Variants in MIS18BP1 observed in about 807,000 individuals in gnomAD.
MIS18BP1 encodes mis18-binding protein 1.
In MIS18BP1, 72 loss-of-function variants were observed where a neutral mutation model predicts 116.1. The observed-to-expected ratio is 0.62, with a 90% CI of 0.51 to 0.75. The LOEUF (loss-of-function observed/expected upper bound fraction) is 0.75. Ranked by LOEUF, MIS18BP1 falls within the 30% of genes least tolerant of loss-of-function variation. MIS18BP1 has a pLI of 0.00. For synonymous variants in MIS18BP1, 386 were observed against 427.0 expected, an observed-to-expected ratio of 0.90 and a Z score of 1.18; for missense variants, 1,363 against 1,303.2, an observed-to-expected ratio of 1.05 and a Z score of -0.71.
At chr14:45,204,489 C>T (rs2139131556) in intron 15 of MIS18BP1, 36 bp from the exon 16 acceptor site, 1 of 1,504,092 alleles carries the variant, frequency 6.6e-7, no homozygotes, top group Non-Finnish European at 9.0e-7. Flanking sequence ...TAAATGGTAC[C>T]TCCTGGTGAA....
rs867101344 is a variant in MIS18BP1 at position 45,232,372 on chromosome 14, G to A, written c.1436+361C>T. On this transcript the variant is annotated intron_variant, in intron 7 of 16. Transcript: ENST00000310806. ...GCGGAGCTTGCAATGAGCTGAGATC[G>A]CGCCACTGCACTCCAGCCTGGGCGA... The A allele has an allele frequency of 8.5e-4, 172 of 202,586 alleles. 1 individual carries two copies. The highest frequency in any genetic ancestry group is 4.3e-3 in the Middle Eastern group (2 of 460). 12.5% of individuals were successfully genotyped at this position (202,586 alleles called of 1,614,324 possible). A position where few individuals can be genotyped will look rare whatever the true frequency, so the allele number is the denominator to read the frequency against.
chr14:45,235,134 G>C (rs1891387135), intron 6 of MIS18BP1, among the ~76,000 whole-genome samples: 1 of 151,270 alleles, frequency 6.6e-6, no homozygotes, highest in Non-Finnish European at 1.5e-5. Context: ...TTGAACTTAG[G>C]AGGTGGAGGT....
chr14:45,232,371 C>T (rs1018722023), intron 7 of MIS18BP1: 25 of 206,370 alleles, frequency 1.2e-4, no homozygotes, highest in African/African-American at 4.7e-4. Context: ...GAGCTGAGAT[C>T]GCGCCACTGC....
rs144651511 is a variant in MIS18BP1, at chr14:45,235,818, T to G, written c.1344A>C (p.Glu448Asp). Reference sequence around the variant, plus strand: ...TCAATAATGACAGTCATTTACCTGCTTCTTTCATGGAAATTTGGTCTATCA... The same window carrying G: ...TCAATAATGACAGTCATTTACCTGCGTCTTTCATGGAAATTTGGTCTATCA... The part of the protein sequence containing the change: ...KGMIDQISMK[E>D]AGYPNYLIRK... The change falls in exon 6 of 17, where the codon GAA becomes GAC. Residue 448 changes from glutamate to aspartate, a missense_variant. Coordinates refer to ENST00000310806, the MANE Select transcript of MIS18BP1 (RefSeq NM_018353.5). 1.9e-6 allele frequency: 3 copies of G among 1,597,118 alleles called. No homozygotes were observed. The South Asian group carries it at 3.4e-5, about 18-fold the overall frequency.
intron 14 of MIS18BP1, among the ~76,000 whole-genome samples, chr14:45,207,356 G>A (rs796132436): frequency 1.2e-4 from 18 of 152,256 alleles, no homozygotes; most frequent in African/African-American, 3.4e-4. Context: ...AATAAACCTC[G>A]TCAGTTTTTA....
At chr14:45,249,034 T>C (rs371939043) in intron 1 of MIS18BP1, among the ~76,000 whole-genome samples, 1 of 151,326 alleles carries the variant, frequency 6.6e-6, no homozygotes, top group Middle Eastern at 3.2e-3. Flanking sequence ...GCCTCCAGAG[T>C]AGCTGGGACC....
chr14:45,229,664 A>G (rs748716069), intron 8 of MIS18BP1, among the ~76,000 whole-genome samples: 7 of 152,336 alleles, frequency 4.6e-5, no homozygotes, highest in Admixed American at 3.9e-4. Flanking sequence ...CAAATCCCTA[A>G]TAAGTGCTGG....
At chr14:45,222,511 TCC>T (rs1891001597) in intron 11 of MIS18BP1, among the ~76,000 whole-genome samples, 1 of 152,202 alleles carries the variant, frequency 6.6e-6, no homozygotes. Flanking sequence ...CCTGGTGGTA[TCC>T]CAAGCTATAC....
chr14:45,207,009 C>T (rs1566799895), intron 14 of MIS18BP1, among the ~76,000 whole-genome samples: 1 of 152,194 alleles, frequency 6.6e-6, no homozygotes, highest in Non-Finnish European at 1.5e-5. Flanking sequence ...CTTGAATTCC[C>T]CATACCAACC....
At chr14:45,235,789 C>CTTAG (rs761648270) in intron 6 of MIS18BP1, 25 bp downstream of exon 6, 4 of 1,566,022 alleles carry the variant, frequency 2.6e-6, no homozygotes, top group Non-Finnish European at 3.5e-6. Context: ...CTTAAAATAA[C>CTTAG]TTATCAATAA....
rs1009178091 is a variant in MIS18BP1, at chr14:45,232,797, T to G, written c.1372A>C (p.Lys458Gln). Residue 458 changes from lysine to glutamine, a missense_variant, in exon 7 of 17, where the codon AAA (lysine) becomes CAA (glutamine). Lys to Gln is a moderately conservative substitution (Grantham distance 53, BLOSUM62 1). Transcript: ENST00000310806. Reference sequence around the variant, plus strand: ...TTTTCTGGAAATCCAAACATAAATTTCCTTATGAGATAATTTGGATATCCT... The same window carrying G: ...TTTTCTGGAAATCCAAACATAAATTGCCTTATGAGATAATTTGGATATCCT... The part of the protein sequence containing the change: ...EAGYPNYLIR[K>Q]FMFGFPENWK... 3 of 1,459,802 alleles carry G rather than the reference T, an allele frequency of 2.1e-6. No homozygotes were observed. The African/African-American group carries it at 4.2e-5, about 21-fold the overall frequency. 90.4% of individuals were successfully genotyped at this position (1,459,802 alleles called of 1,614,324 possible).
intron 11 of MIS18BP1, among the ~76,000 whole-genome samples, chr14:45,222,939 G>A (rs1891013360): frequency 6.6e-6 from 1 of 152,156 alleles, no homozygotes; most frequent in Non-Finnish European, 1.5e-5. Flanking sequence ...CCACTACTTT[G>A]AGGCAACCAT....
chr14:45,216,935 T>C (rs1396274090), intron 13 of MIS18BP1, 84 bp downstream of exon 13: 1 of 1,415,446 alleles, frequency 7.1e-7, no homozygotes, highest in Non-Finnish European at 9.7e-7. Context: ...GGCCTAAATA[T>C]TAGTGATGAA....
At chr14:45,235,445 G>A (rs909784246) in intron 6 of MIS18BP1, among the ~76,000 whole-genome samples, 2 of 151,624 alleles carry the variant, frequency 1.3e-5, no homozygotes, top group African/African-American at 4.8e-5. Flanking sequence ...ACAAAAATTA[G>A]TTGGGTGTGG....
At chr14:45,249,680 G>A (rs1350638429) in intron 1 of MIS18BP1, among the ~76,000 whole-genome samples, 1 of 152,156 alleles carries the variant, frequency 6.6e-6, no homozygotes, top group Non-Finnish European at 1.5e-5. Flanking sequence ...AGACCAGCCT[G>A]GCCAACACGG....
chr14:45,243,810 G>C (rs779077092), intron 2 of MIS18BP1, among the ~76,000 whole-genome samples: 1 of 152,040 alleles, frequency 6.6e-6, no homozygotes, highest in Non-Finnish European at 1.5e-5. Flanking sequence ...GGGAGTCCCA[G>C]GTTCATGTAG....
chr14:45,247,233 A>G lies in MIS18BP1; in HGVS notation c.54T>C (p.Ser18=). 1.9e-6 allele frequency: 3 copies of G among 1,609,832 alleles called. No homozygotes were observed. Among genetic ancestry groups the G allele is most frequent in the Non-Finnish European group, 2.5e-6 (3 of 1,179,082 alleles). The change falls in exon 2 of 17, where the codon TCT becomes TCC. Residue 18 remains serine (S), a synonymous_variant. Coordinates refer to ENST00000310806, the MANE Select transcript of MIS18BP1 (RefSeq NM_018353.5). ...HSRIYLPPEA[S]SQRRNLPMDA... is the part of the protein sequence containing the mutation. Reference sequence around the variant, plus strand: ...CCATGGGTAGATTTCTCCTTTGAGAAGATGCCTCTGGAGGTAAGTAAATTC... The same window carrying G: ...CCATGGGTAGATTTCTCCTTTGAGAGGATGCCTCTGGAGGTAAGTAAATTC...
intron 10 of MIS18BP1, among the ~76,000 whole-genome samples, 185 bp downstream of exon 10, chr14:45,226,558 T>C (rs932437549): frequency 1.3e-5 from 2 of 152,150 alleles, no homozygotes; most frequent in African/African-American, 4.8e-5. Flanking sequence ...GTATAGGTGG[T>C]TTTTAAAAGG....
At chr14:45,206,271 T>G in intron 14 of MIS18BP1, 101 bp from the exon 15 acceptor site, 1 of 746,296 alleles carries the variant, frequency 1.3e-6, no homozygotes. Flanking sequence ...GAACAACAAT[T>G]GCCTAAATTA....
Sources: gnomAD v4.1 joint callset for allele counts (sites outside exome capture counted in the v4.1 genomes callset) on GRCh38, gnomAD v4.1.1 for gene constraint, MANE v1.5 for transcripts, NCBI Gene and HGNC (gene_info 2026-07-23, HGNC 2026-07-21) for gene names.